The following SMARCD1 variants were observed in gnomAD, a reference collection of about 807,000 sequenced individuals.
The protein encoded by SMARCD1 is SWI/SNF-related matrix-associated actin-dependent regulator of chromatin subfamily D member 1.
In SMARCD1, 16 loss-of-function variants were observed where a neutral mutation model predicts 70.8. That is an observed-to-expected ratio of 0.23 (90% CI 0.15 to 0.34). The LOEUF (loss-of-function observed/expected upper bound fraction) is 0.34, where lower values mean the gene tolerates loss of function less well. SMARCD1 is among the 10% of genes least tolerant of loss of function. The pLI, the probability that SMARCD1 is intolerant of heterozygous loss-of-function variation, is 1.00. For missense variants in SMARCD1, 409 were observed against 655.5 expected (o/e 0.62, Z 4.11); for synonymous variants, 249 against 246.0 (o/e 1.01, Z -0.11).
At chr12:50,098,574 G>C (rs1592295721) in intron 11 of SMARCD1, 140 bp from the exon 12 acceptor site, 1 of 647,316 alleles carries the variant, frequency 1.5e-6, no homozygotes, top group Non-Finnish European at 2.7e-6. Context: ...TCCAAATAAG[G>C]TCACATTCAC....
rs1413006772 is a variant in SMARCD1, at chr12:50,099,432, A to G, written c.*432A>G. The G allele has an allele frequency of 1.7e-5, 7 of 416,656 alleles. No individual in the cohort carries two copies. The highest frequency in any genetic ancestry group is 3.0e-5 in the Non-Finnish European group (7 of 236,428). 25.8% of individuals were successfully genotyped at this position (416,656 alleles called of 1,614,324 possible). ...CAGGCCTGTGGGCACTCTATAAGCT[A>G]GTTGATCTTGGCTCTCCTGATAACA... On this transcript the variant is annotated 3_prime_UTR_variant, in exon 13 of 13. Coordinates refer to ENST00000394963, the MANE Select transcript of SMARCD1 (RefSeq NM_003076.5).
In SMARCD1 at chr12:50,087,476, C is replaced by T; in HGVS notation, c.645C>T (p.Leu215=). The T allele has an allele frequency of 6.2e-7, 1 of 1,613,778 alleles. No individual in the cohort carries two copies. The change falls in exon 5 of 13, where the codon CTC becomes CTT. Residue 215 remains leucine (L), a synonymous_variant. Transcript: ENST00000394963. ...GGGAGCTTCGGGTAGAAGGACGGCT[C>T]CTGGAGGATGTGAGTTCAAGGTCCA... ...ASWELRVEGR[L]LEDSALSKYD...
chr12:50,096,825 G>T, intron 10 of SMARCD1, 25 bp from the exon 11 acceptor site: 3 of 1,588,888 alleles, frequency 1.9e-6, no homozygotes, highest in Non-Finnish European at 2.6e-6. Flanking sequence ...TTTGAAAATG[G>T]TATGAGCTTC....
chr12:50,086,486 T>TGGTAGTGGTGGTGGTGTTGGC, intron 2 of SMARCD1, 135 bp from the exon 3 acceptor site: 1 of 959,920 alleles, frequency 1.0e-6, no homozygotes, highest in Non-Finnish European at 1.6e-6. Context: ...TGCTTGGTGG[T>TGGTAGTGGTGGTGGTGTTGGC]GGTGGTGGTG....
Position 50,087,477 on chromosome 12 carries a change from C to G in SMARCD1, c.646C>G (p.Leu216Val). 1 of 1,613,764 alleles carries G rather than the reference C, an allele frequency of 6.2e-7. No homozygotes were observed. The highest frequency in any genetic ancestry group is 8.5e-7 in the Non-Finnish European group (1 of 1,179,872). ...GGAGCTTCGGGTAGAAGGACGGCTC[C>G]TGGAGGATGTGAGTTCAAGGTCCAC... is the stretch of plus-strand genomic sequence containing the variant. ...SWELRVEGRLLEDSALSKYDA... is the reference protein window; with the variant it reads ...SWELRVEGRLVEDSALSKYDA... Residue 216 changes from leucine to valine, a missense_variant, in exon 5 of 13, where the codon CTG becomes GTG. Transcript: ENST00000394963.
At chr12:50,088,100 T>G (rs1950808078) in intron 5 of SMARCD1, 1 of 525,584 alleles carries the variant, frequency 1.9e-6, no homozygotes, top group Non-Finnish European at 3.4e-6. Context: ...TGTCAGAGCC[T>G]CCTTCTCTAT....
intron 9 of SMARCD1, among the ~76,000 whole-genome samples, chr12:50,092,904 G>A (rs950823494): frequency 3.3e-5 from 5 of 151,998 alleles, no homozygotes; most frequent in African/African-American, 7.2e-5. Context: ...TTGGCTGGGC[G>A]CAGTGGCTCA....
intron 2 of SMARCD1, 60 bp from the exon 3 acceptor site, chr12:50,086,561 C>T (rs1178937638): frequency 2.5e-5 from 38 of 1,543,684 alleles, no homozygotes; most frequent in Non-Finnish European, 3.3e-5. Context: ...GTGCTGACAG[C>T]TTATTTTCAC....
intron 9 of SMARCD1, among the ~76,000 whole-genome samples, chr12:50,091,391 G>T (rs769010659): frequency 3.8e-4 from 57 of 150,976 alleles, no homozygotes; most frequent in Non-Finnish European, 8.0e-4. Context: ...TTCTCCTGCC[G>T]TAGCCTCCCA....
Position 50,085,365 on chromosome 12 carries a change from G to A in SMARCD1, c.-5G>A, listed in dbSNP as rs529129659. 411 of 1,264,022 alleles carry A rather than the reference G, an allele frequency of 3.3e-4. 5 individuals carry two copies. In the South Asian group the frequency reaches 9.7e-3, roughly 30 times the overall value. The allele number at this position is 1,264,022 out of a possible 1,614,324, so 78.3% of individuals were successfully genotyped here. The stretch of plus-strand genomic sequence containing the variant: ...TTGTGCGGCTGCATCGGCGGCTCCG[G>A]GAAGATGGCGGCCCGGGCGGGTTTC... On this transcript the variant is annotated 5_prime_UTR_variant, in exon 1 of 13. Transcript: ENST00000394963.
In SMARCD1 at chr12:50,099,852, A is replaced by C. The variant is rs1307909467; in HGVS notation, c.*852A>C. 6.5e-6 allele frequency: 1 copy of C among 152,848 alleles called. No individual in the cohort carries two copies. Among genetic ancestry groups the C allele is most frequent in the African/African-American group, 2.4e-5 (1 of 41,404 alleles). 9.5% of individuals were successfully genotyped at this position (152,848 alleles called of 1,614,324 possible). On this transcript the variant is annotated 3_prime_UTR_variant, in exon 13 of 13. Coordinates refer to ENST00000394963, the MANE Select transcript of SMARCD1 (RefSeq NM_003076.5). The stretch of plus-strand genomic sequence containing the variant: ...TGTGACTCATTCATTCACTCACTCC[A>C]CCCTGCCTCTGCATCCCTTAATGGA...
chr12:50,091,725 T>C (rs1950845665), intron 9 of SMARCD1, among the ~76,000 whole-genome samples: 2 of 152,134 alleles, frequency 1.3e-5, no homozygotes, highest in Admixed American at 6.5e-5. Flanking sequence ...TACAGGCACC[T>C]GCTACCATGC....
intron 7 of SMARCD1, 60 bp from the exon 8 acceptor site, chr12:50,090,181 G>A: frequency 1.3e-6 from 2 of 1,493,982 alleles, no homozygotes; most frequent in Non-Finnish European, 1.8e-6. Context: ...TAGCTTGAAT[G>A]TATTGCTGCA....
Position 50,098,738 on chromosome 12 carries a change from C to G in SMARCD1, c.1417C>G (p.Pro473Ala). ...LKTMTDVVGN[P>A]EEERRAEFYF... The stretch of plus-strand genomic sequence containing the variant: ...GACAATGACTGATGTGGTGGGTAAC[C>G]CAGAGGAGGAGCGCCGAGCTGAGTT... The change falls in exon 12 of 13, where the codon CCA (proline) becomes GCA (alanine). Residue 473 changes from proline (P) to alanine (A), a missense_variant. By Grantham distance (27) the Pro-to-Ala change is conservative. Coordinates refer to ENST00000394963, the MANE Select transcript of SMARCD1 (RefSeq NM_003076.5). 1 of 1,614,010 alleles carries G rather than the reference C, an allele frequency of 6.2e-7. No individual in the cohort carries two copies. Among genetic ancestry groups the G allele is most frequent in the Non-Finnish European group, 8.5e-7 (1 of 1,179,916 alleles).
chr12:50,093,728 TACC>T (rs1253445623), intron 9 of SMARCD1, among the ~76,000 whole-genome samples: 194 of 152,232 alleles, frequency 1.3e-3, no homozygotes, highest in Middle Eastern at 0.01. Context: ...GCAGTCCTCT[TACC>T]TGAGCCTCCC....
chr12:50,097,317 G>A (rs1458836712), intron 11 of SMARCD1, among the ~76,000 whole-genome samples: 1 of 152,150 alleles, frequency 6.6e-6, no homozygotes, highest in Non-Finnish European at 1.5e-5. Context: ...TTGGGAGGCC[G>A]AGGCCGACGG....
rs749508764 is a variant in SMARCD1 at position 50,085,718 on chromosome 12, C to G, written c.177+172C>G. ...AAGAGAGGGGGAGGCAGTTACACACCTGCTCCTAGGGGCATTGTTTCCCTG... is the reference window on the plus strand; with the variant it reads ...AAGAGAGGGGGAGGCAGTTACACACGTGCTCCTAGGGGCATTGTTTCCCTG... On this transcript the variant is annotated intron_variant, in intron 1 of 12. Transcript: ENST00000394963. The G allele has an allele frequency of 7.0e-5, 34 of 487,854 alleles. No individual in the cohort carries two copies. In the South Asian group the frequency reaches 3.6e-3, roughly 52 times the overall value. 30.2% of individuals were successfully genotyped at this position (487,854 alleles called of 1,614,324 possible). A position where few individuals can be genotyped will look rare whatever the true frequency, so the allele number is the denominator to read the frequency against.
In SMARCD1 at chr12:50,098,876, G is replaced by C. The variant is rs1475421560; in HGVS notation, c.1494+61G>C. ...AGGCACGGGGTTTTCACCCCTGATGGGGGTCAGTGGTGTTAGATACCAACT... is the reference window on the plus strand; with the variant it reads ...AGGCACGGGGTTTTCACCCCTGATGCGGGTCAGTGGTGTTAGATACCAACT... On this transcript the variant is annotated intron_variant, in intron 12 of 12. Transcript: ENST00000394963. 4.4e-6 allele frequency: 7 copies of C among 1,592,502 alleles called. No individual in the cohort carries two copies. The Middle Eastern group carries it at 4.9e-4, about 113-fold the overall frequency.
chr12:50,093,805 C>T (rs1002137101), intron 9 of SMARCD1, among the ~76,000 whole-genome samples: 1 of 151,522 alleles, frequency 6.6e-6, no homozygotes, highest in Non-Finnish European at 1.5e-5. Flanking sequence ...TTTTAGAGAT[C>T]GTCTCACTCT....
Sources: allele counts gnomAD v4.1 joint callset (sites outside exome capture counted in the v4.1 genomes callset), GRCh38; gene constraint gnomAD v4.1.1; transcripts MANE v1.5; gene names NCBI Gene and HGNC (gene_info 2026-07-23, HGNC 2026-07-21).